DOCK4: variants seen among roughly 807,000 people sequenced by gnomAD.
DOCK4 encodes the protein dedicator of cytokinesis protein 4.
Under a neutral mutation model 268.1 loss-of-function variants are expected in DOCK4, and 97 were observed. The observed-to-expected ratio is 0.36, with a 90% confidence interval of 0.31 to 0.43. The LOEUF (loss-of-function observed/expected upper bound fraction) is 0.43, where lower values mean the gene tolerates loss of function less well. Ranked by LOEUF, DOCK4 falls within the 20% of genes least tolerant of loss-of-function variation. The pLI, the probability that DOCK4 is intolerant of heterozygous loss-of-function variation, is 1.00. For synonymous variants in DOCK4, 954 were observed against 887.2 expected (o/e 1.08, Z -1.34); for missense variants, 2,145 against 2,455.7 (o/e 0.87, Z 2.67).
chr7:112,180,132 G>C (rs1230170209), intron 1 of DOCK4, among the ~76,000 whole-genome samples: 1 of 152,128 alleles, frequency 6.6e-6, no homozygotes, highest in Non-Finnish European at 1.5e-5. Context: ...TGTAGGCATA[G>C]TTCTTCATTC....
intron 1 of DOCK4, among the ~76,000 whole-genome samples, chr7:112,099,719 G>A (rs1398488408): frequency 6.6e-6 from 1 of 152,146 alleles, no homozygotes; most frequent in African/African-American, 2.4e-5. Context: ...CTCATAATAT[G>A]TGCATATAAG....
rs568644959 is a variant in DOCK4, at chr7:111,957,230, A to G, written c.702-11432T>C. Reference sequence around the variant, plus strand: ...GTGAAATAAAAATCGCATATTGGATACCATACAAAGGGCTGATACAGAAAC... The same window carrying G: ...GTGAAATAAAAATCGCATATTGGATGCCATACAAAGGGCTGATACAGAAAC... On this transcript the variant is annotated intron_variant, in intron 8 of 52. Transcript: ENST00000428084. 2.0e-5 allele frequency among the ~76,000 whole-genome samples: 3 copies of G among 152,328 alleles called. No homozygotes were observed. In the East Asian group the frequency reaches 5.8e-4, roughly 29 times the overall value.
intron 15 of DOCK4, among the ~76,000 whole-genome samples, chr7:111,898,418 T>C (rs1040723853): frequency 3.4e-4 from 51 of 152,220 alleles, no homozygotes; most frequent in African/African-American, 1.2e-3. Context: ...CATCACTTTC[T>C]ACTCCCTAGC....
intron 20 of DOCK4, among the ~76,000 whole-genome samples, chr7:111,870,313 T>TTTTTC: frequency 1.3e-5 from 2 of 151,414 alleles, no homozygotes; most frequent in African/African-American, 2.4e-5. Flanking sequence ...CTCTTTTTTC[T>TTTTTC]TTTTCTTTTC....
rs1006751282 is a variant in DOCK4 at position 111,727,073 on chromosome 7, C to T, written c.*1201G>A. 1 of 152,512 alleles carries T rather than the reference C, an allele frequency of 6.6e-6. No homozygotes were observed. The allele number at this position is 152,512 out of a possible 1,614,324, so 9.4% of individuals were successfully genotyped here. ...TATAAACAGTCAGTAAAAGAAAAAA[C>T]AAAGATATAAAATACATTACTACAT... On this transcript the variant is annotated 3_prime_UTR_variant, in exon 53 of 53. Transcript: ENST00000428084.
At chr7:111,904,030 T>C (rs1447830367) in intron 13 of DOCK4, among the ~76,000 whole-genome samples, 1 of 152,184 alleles carries the variant, frequency 6.6e-6, no homozygotes, top group Non-Finnish European at 1.5e-5. Context: ...AAGTGTTTCT[T>C]GGGAAGGTGC....
At chr7:111,971,873 T>G (rs1223687103) in intron 8 of DOCK4, 2 of 246,644 alleles carry the variant, frequency 8.1e-6, no homozygotes, top group African/African-American at 4.7e-5. Flanking sequence ...CCTTTTGGGC[T>G]GGATGTACTG....
intron 34 of DOCK4, 89 bp from the exon 35 acceptor site, chr7:111,783,013 A>AC: frequency 1.8e-6 from 2 of 1,097,076 alleles, no homozygotes; most frequent in Non-Finnish European, 2.6e-6. Context: ...AAAGAAAGAA[A>AC]GAAAGAAAAA....
intron 51 of DOCK4, 103 bp from the exon 52 acceptor site, chr7:111,732,390 A>G: frequency 8.4e-7 from 1 of 1,195,422 alleles, no homozygotes; most frequent in Non-Finnish European, 1.2e-6. Flanking sequence ...GATCCAGTGC[A>G]TAAGGACCTT....
In DOCK4 at chr7:112,026,325, G is replaced by A. The variant is rs116897761; in HGVS notation, c.38-22194C>T. Reference sequence around the variant, plus strand: ...TGAACTGCACATGTGAGGGATCTAGGTTGCACGCTCCTTATGAGAATTGAA... The same window carrying A: ...TGAACTGCACATGTGAGGGATCTAGATTGCACGCTCCTTATGAGAATTGAA... On this transcript the variant is annotated intron_variant, in intron 1 of 52. Transcript: ENST00000428084. Among the ~76,000 whole-genome samples the A allele has an allele frequency of 1.4e-4, 22 of 152,324 alleles. No homozygotes were observed. In the East Asian group the frequency reaches 4.3e-3, roughly 29 times the overall value.
At chr7:112,176,129 G>A (rs1818487119) in intron 1 of DOCK4, among the ~76,000 whole-genome samples, 1 of 152,134 alleles carries the variant, frequency 6.6e-6, no homozygotes, top group African/African-American at 2.4e-5. Context: ...TGGAGAGCAG[G>A]TGTTTTTCTA....
At chr7:111,821,609 T>C (rs1801986875) in intron 27 of DOCK4, 2 of 152,232 alleles carry the variant, frequency 1.3e-5, no homozygotes, top group Non-Finnish European at 2.9e-5. Flanking sequence ...ATGCTGGATA[T>C]GCTTAATATA....
chr7:111,930,868 G>A (rs562374458), intron 12 of DOCK4, among the ~76,000 whole-genome samples: 1 of 152,306 alleles, frequency 6.6e-6, no homozygotes, highest in Non-Finnish European at 1.5e-5. Context: ...TACGTAGACT[G>A]AAGGGTGGAA....
intron 13 of DOCK4, among the ~76,000 whole-genome samples, chr7:111,904,781 T>C (rs1411324031): frequency 6.6e-6 from 1 of 152,106 alleles, no homozygotes; most frequent in Non-Finnish European, 1.5e-5. Flanking sequence ...GTTATTAACA[T>C]GAGAATAGGG....
At chr7:112,142,440 T>G (rs1242821617) in intron 1 of DOCK4, among the ~76,000 whole-genome samples, 2 of 152,256 alleles carry the variant, frequency 1.3e-5, no homozygotes, top group Middle Eastern at 3.4e-3. Context: ...AGCCAAGAAT[T>G]CAACTGAAGC....
intron 13 of DOCK4, among the ~76,000 whole-genome samples, chr7:111,912,566 T>C (rs1792200904): frequency 6.6e-6 from 1 of 151,856 alleles, no homozygotes; most frequent in Non-Finnish European, 1.5e-5. Context: ...TGTAGCTTAG[T>C]CCTATTCTGA....
chr7:111,865,632 A>AT (rs1303598642), intron 22 of DOCK4, among the ~76,000 whole-genome samples: 5 of 152,182 alleles, frequency 3.3e-5, no homozygotes, highest in African/African-American at 1.2e-4. Context: ...GACAAAAGAG[A>AT]TTTTGCAGAT....
chr7:111,970,427 A>T (rs373861691), intron 8 of DOCK4, among the ~76,000 whole-genome samples: 1 of 152,276 alleles, frequency 6.6e-6, no homozygotes, highest in South Asian at 2.1e-4. Context: ...TTAAATTAAT[A>T]TTTCTTAAAG....
At chr7:111,739,314 G>T (rs527597888) in intron 48 of DOCK4, 71 bp from the exon 49 acceptor site, 1 of 1,592,614 alleles carries the variant, frequency 6.3e-7, no homozygotes, top group East Asian at 2.2e-5. Context: ...GCGAGAGCCT[G>T]AACGTGTGGC....
Sources: gnomAD v4.1 joint callset for allele counts (sites outside exome capture counted in the v4.1 genomes callset) on GRCh38, gnomAD v4.1.1 for gene constraint, MANE v1.5 for transcripts, NCBI Gene and HGNC (gene_info 2026-07-23, HGNC 2026-07-21) for gene names.